Variants in PROS1 observed in about 807,000 individuals in gnomAD.
PROS1 encodes protein S.
A neutral mutation model predicts 75.9 loss-of-function variants in PROS1; 29 were observed. The ratio of observed to expected loss-of-function variants is 0.38; its 90% CI spans 0.28 to 0.52. The LOEUF (loss-of-function observed/expected upper bound fraction) is 0.52, where lower values mean the gene tolerates loss of function less well. Among genes scored for constraint, PROS1 ranks in the 20% least tolerant of loss-of-function variants. The pLI is 0.83. For missense variants in PROS1, 680 were observed against 810.3 expected (o/e 0.84, Z 1.95); for synonymous variants, 245 against 280.6 (o/e 0.87, Z 1.27).
At chr3:93,936,767 G>C (rs778002415) in intron 1 of PROS1, among the ~76,000 whole-genome samples, 4 of 152,188 alleles carry the variant, frequency 2.6e-5, no homozygotes, top group Non-Finnish European at 4.4e-5. Context: ...ACTATTTCTA[G>C]CTGCTCTGTA....
chr3:93,905,837 TG>T lies in PROS1; in HGVS notation c.547del (p.His183ThrfsTer25), dbSNP rs1559935233. 1 of 1,612,702 alleles carries T rather than the reference TG, an allele frequency of 6.2e-7. No homozygotes were observed. Among genetic ancestry groups the T allele is most frequent in the Non-Finnish European group, 8.5e-7 (1 of 1,178,742 alleles). ...QICDNTPGSYHCSCKNGFVML... is the reference protein window; with the variant it reads ...QICDNTPGSYXCSCKNGFVML... ...AACAAAACCATTTTTACAGGAACAG[TG>T]GTAACTTCCAGGTGTATTATCACAA... On this transcript the variant is annotated frameshift_variant, in exon 6 of 15. Transcript: ENST00000394236. LOFTEE classifies it high-confidence loss of function.
At chr3:93,927,151 T>C (rs1709030257) in intron 2 of PROS1, 99 bp downstream of exon 2, 11 of 1,467,950 alleles carry the variant, frequency 7.5e-6, no homozygotes, top group Non-Finnish European at 9.5e-6. Context: ...ACAGAATTAT[T>C]GACTTTAAGA....
chr3:93,895,724 G>T (rs546720275), intron 9 of PROS1, among the ~76,000 whole-genome samples: 12 of 152,132 alleles, frequency 7.9e-5, no homozygotes, highest in Admixed American at 3.3e-4. Flanking sequence ...GTACAATTAT[G>T]GCAGATCACC....
chr3:93,877,473 T>C (rs565329412), intron 13 of PROS1, among the ~76,000 whole-genome samples: 1 of 152,330 alleles, frequency 6.6e-6, no homozygotes, highest in South Asian at 2.1e-4. Context: ...CCGGAACCTA[T>C]AGGAGTGTCT....
intron 1 of PROS1, among the ~76,000 whole-genome samples, chr3:93,957,205 A>G (rs1431499903): frequency 2.0e-5 from 3 of 152,180 alleles, no homozygotes; most frequent in Non-Finnish European, 4.4e-5. Flanking sequence ...AAAAACAATC[A>G]TCATAGTTTT....
At chr3:93,912,993 T>C (rs781189331) in intron 3 of PROS1, among the ~76,000 whole-genome samples, 5 of 152,214 alleles carry the variant, frequency 3.3e-5, no homozygotes, top group Admixed American at 2.6e-4. Flanking sequence ...TCAGTAGTCC[T>C]GATATGGTTT....
intron 1 of PROS1, among the ~76,000 whole-genome samples, chr3:93,928,046 G>T (rs1287147664): frequency 8.3e-5 from 9 of 108,788 alleles, no homozygotes; most frequent in Admixed American, 1.3e-4. Context: ...ACGGAGTCTC[G>T]CTCTGTCGCC....
intron 1 of PROS1, among the ~76,000 whole-genome samples, chr3:93,945,630 C>T (rs1218179776): frequency 2.0e-5 from 3 of 152,158 alleles, no homozygotes; most frequent in Non-Finnish European, 4.4e-5. Context: ...TAAAAACTCT[C>T]AATAAGCTAG....
intron 1 of PROS1, among the ~76,000 whole-genome samples, chr3:93,939,244 G>A (rs1314415625): frequency 1.3e-5 from 2 of 152,012 alleles, no homozygotes; most frequent in Non-Finnish European, 1.5e-5. Flanking sequence ...ATGGTCTGAG[G>A]TGCCTGACGT....
chr3:93,879,452 T>C lies in PROS1; in HGVS notation c.1493-138A>G, dbSNP rs968167662. ...TTCCATTCCCTTTCTCAATGATCTA[T>C]ATAACCTAGGCAAAACAAAACAAAC... On this transcript the variant is annotated intron_variant, in intron 12 of 14. Coordinates refer to ENST00000394236, the MANE Select transcript of PROS1 (RefSeq NM_000313.4). 6 of 1,250,354 alleles carry C rather than the reference T, an allele frequency of 4.8e-6. No individual in the cohort carries two copies. In the African/African-American group the frequency reaches 7.4e-5, roughly 16 times the overall value. 77.5% of individuals were successfully genotyped at this position (1,250,354 alleles called of 1,614,324 possible).
intron 1 of PROS1, among the ~76,000 whole-genome samples, chr3:93,956,172 G>A (rs1709595140): frequency 6.6e-6 from 1 of 152,068 alleles, no homozygotes; most frequent in Non-Finnish European, 1.5e-5. Context: ...CGGTAGGATA[G>A]TAGTATCTTT....
chr3:93,879,719 T>C (rs1420239114), intron 12 of PROS1, among the ~76,000 whole-genome samples: 2 of 152,208 alleles, frequency 1.3e-5, no homozygotes, highest in Non-Finnish European at 2.9e-5. Flanking sequence ...CTGGGTACAG[T>C]TGCCATCATC....
At chr3:93,960,165 T>C (rs1395512559) in intron 1 of PROS1, among the ~76,000 whole-genome samples, 1 of 151,706 alleles carries the variant, frequency 6.6e-6, no homozygotes, top group South Asian at 2.1e-4. Flanking sequence ...TAAGCAGAAG[T>C]GCGTTTGTCA....
At chr3:93,887,303 A>C (rs1222335083) in intron 10 of PROS1, among the ~76,000 whole-genome samples, 3 of 152,218 alleles carry the variant, frequency 2.0e-5, no homozygotes, top group Non-Finnish European at 2.9e-5. Context: ...TTAAAATTCA[A>C]AAGTGATTGA....
intron 3 of PROS1, among the ~76,000 whole-genome samples, chr3:93,912,004 T>A (rs1708765143): frequency 2.0e-5 from 3 of 152,202 alleles, no homozygotes; most frequent in Non-Finnish European, 2.9e-5. Flanking sequence ...TCATTTGAAG[T>A]CAGTATGTGT....
rs564623590 is a variant in PROS1, at chr3:93,958,536, ACT to A, written c.76+15136_76+15137del. 36 of 151,996 alleles carry A rather than the reference ACT, an allele frequency of 2.4e-4. 1 individual carries two copies. In the East Asian group the frequency reaches 7.0e-3, roughly 29 times the overall value. 9.4% of individuals were successfully genotyped at this position (151,996 alleles called of 1,614,324 possible). A position where few individuals can be genotyped will look rare whatever the true frequency, so the allele number is the denominator to read the frequency against. On this transcript the variant is annotated intron_variant, in intron 1 of 14. Coordinates refer to ENST00000394236, the MANE Select transcript of PROS1 (RefSeq NM_000313.4). ...CTCTTCCTCACTTGCATCTTATGAG[ACT>A]CTTTTCTTTGTACTTGATATGGTTT... is the stretch of plus-strand genomic sequence containing the variant.
intron 3 of PROS1, among the ~76,000 whole-genome samples, chr3:93,915,926 G>C (rs1429997587): frequency 1.3e-5 from 2 of 152,076 alleles, no homozygotes; most frequent in Non-Finnish European, 1.5e-5. Context: ...ATTTGTTATA[G>C]CAGCAACCCA....
At chr3:93,954,377 G>T (rs976247867) in intron 1 of PROS1, among the ~76,000 whole-genome samples, 2 of 152,064 alleles carry the variant, frequency 1.3e-5, no homozygotes, top group Non-Finnish European at 2.9e-5. Flanking sequence ...CCAAAACAGA[G>T]ATATAGACCA....
At chr3:93,895,072 C>T (rs964386650) in intron 9 of PROS1, among the ~76,000 whole-genome samples, 5 of 152,100 alleles carry the variant, frequency 3.3e-5, no homozygotes, top group African/African-American at 1.2e-4. Flanking sequence ...ATAACCTATG[C>T]ACATCCTCTC....
Sources: gnomAD v4.1 joint callset for allele counts (sites outside exome capture counted in the v4.1 genomes callset) on GRCh38, gnomAD v4.1.1 for gene constraint, MANE v1.5 for transcripts, NCBI Gene and HGNC (gene_info 2026-07-23, HGNC 2026-07-21) for gene names.